CDH13: variants seen among roughly 807,000 people sequenced by gnomAD.
The protein encoded by CDH13 is cadherin 13, also known as cadherin-13.
Under a neutral mutation model 63.8 loss-of-function variants are expected in CDH13, and 24 were observed. That is an observed-to-expected ratio of 0.38 (90% CI 0.27 to 0.53). The LOEUF (loss-of-function observed/expected upper bound fraction) is 0.53. Ranked by LOEUF, CDH13 falls within the 20% of genes least tolerant of loss-of-function variation. The pLI, the probability that CDH13 is intolerant of heterozygous loss-of-function variation, is 0.85. For missense variants in CDH13, 1,049 were observed against 903.1 expected, an observed-to-expected ratio of 1.16 and a Z score of -2.07; for synonymous variants, 503 against 355.3, an observed-to-expected ratio of 1.42 and a Z score of -4.67.
At chr16:83,137,665 T>A (rs889470002) in intron 4 of CDH13, among the ~76,000 whole-genome samples, 1 of 152,088 alleles carries the variant, frequency 6.6e-6, no homozygotes, top group Non-Finnish European at 1.5e-5. Context: ...TTAAGAGATA[T>A]CACTGCCCGT....
At chr16:82,897,963 C>G (rs1188113965) in intron 2 of CDH13, among the ~76,000 whole-genome samples, 1 of 152,232 alleles carries the variant, frequency 6.6e-6, no homozygotes, top group Non-Finnish European at 1.5e-5. Context: ...TGCTTATCAT[C>G]TGCACCGTCC....
At chr16:83,033,360 C>A (rs1333269954) in intron 3 of CDH13, among the ~76,000 whole-genome samples, 3 of 152,042 alleles carry the variant, frequency 2.0e-5, no homozygotes, top group Non-Finnish European at 4.4e-5. Flanking sequence ...TTTAACAGGT[C>A]ATAGGTATCT....
intron 1 of CDH13, among the ~76,000 whole-genome samples, chr16:82,841,131 C>T (rs1237058420): frequency 6.6e-6 from 1 of 152,190 alleles, no homozygotes; most frequent in Non-Finnish European, 1.5e-5. Flanking sequence ...GTCAACCTTA[C>T]CATCCACGGA....
intron 8 of CDH13, among the ~76,000 whole-genome samples, chr16:83,647,776 C>T (rs570902852): frequency 6.6e-6 from 1 of 152,158 alleles, no homozygotes; most frequent in South Asian, 2.1e-4. Context: ...TGGGTACCAG[C>T]AGTGGTGCTG....
At chr16:83,564,306 G>A (rs2075755241) in intron 7 of CDH13, among the ~76,000 whole-genome samples, 1 of 151,954 alleles carries the variant, frequency 6.6e-6, no homozygotes, top group East Asian at 1.9e-4. Flanking sequence ...TTGGGTAAGT[G>A]AGGTGACAAT....
chr16:82,821,884 G>A (rs2038019025), intron 1 of CDH13, among the ~76,000 whole-genome samples: 1 of 152,208 alleles, frequency 6.6e-6, no homozygotes, highest in Non-Finnish European at 1.5e-5. Context: ...TGGTCCCCTT[G>A]GACCATCTAT....
chr16:83,393,945 A>G (rs1033495138), intron 6 of CDH13, among the ~76,000 whole-genome samples: 5 of 152,234 alleles, frequency 3.3e-5, no homozygotes, highest in African/African-American at 1.2e-4. Flanking sequence ...TGTCCTGTGC[A>G]GGAACATGGA....
chr16:83,678,111 G>T lies in CDH13; in HGVS notation c.1285-97G>T, dbSNP rs1321800599. The T allele has an allele frequency of 1.0e-5, 13 of 1,277,726 alleles. No individual in the cohort carries two copies. The South Asian group carries it at 1.7e-4, about 17-fold the overall frequency. The allele number at this position is 1,277,726 out of a possible 1,614,324, so 79.1% of individuals were successfully genotyped here. A position where few individuals can be genotyped will look rare whatever the true frequency, so the allele number is the denominator to read the frequency against. ...CCAAAGCCCAGCTCCATCCCTGAAG[G>T]CCCACTGTTGCTCGTGGAATTTCAG... On this transcript the variant is annotated intron_variant, in intron 9 of 13. Transcript: ENST00000567109.
chr16:82,813,442 A>G (rs540467290), intron 1 of CDH13, among the ~76,000 whole-genome samples: 3 of 152,118 alleles, frequency 2.0e-5, no homozygotes, highest in Non-Finnish European at 4.4e-5. Flanking sequence ...TTATTGACTG[A>G]TGTAGACTCT....
At chr16:82,898,002 G>C (rs1287054964) in intron 2 of CDH13, among the ~76,000 whole-genome samples, 1 of 152,190 alleles carries the variant, frequency 6.6e-6, no homozygotes, top group Non-Finnish European at 1.5e-5. Context: ...GAGCTATTGA[G>C]CACTTGAAAT....
chr16:83,019,285 T>C (rs1915114284), intron 2 of CDH13, among the ~76,000 whole-genome samples: 1 of 152,154 alleles, frequency 6.6e-6, no homozygotes, highest in African/African-American at 2.4e-5. Flanking sequence ...TGAACTTCTT[T>C]GTTAAAAGCT....
intron 6 of CDH13, among the ~76,000 whole-genome samples, chr16:83,465,102 C>T (rs1192200973): frequency 6.6e-6 from 1 of 152,214 alleles, no homozygotes. Context: ...CCCCCCATCA[C>T]ATTTGGCAAA....
At chr16:83,099,332 A>AT (rs898949501) in intron 3 of CDH13, among the ~76,000 whole-genome samples, 21 of 151,794 alleles carry the variant, frequency 1.4e-4, no homozygotes, top group African/African-American at 3.6e-4. Context: ...CATTTTACAC[A>AT]TTTTTTTTAA....
intron 4 of CDH13, among the ~76,000 whole-genome samples, chr16:83,144,699 A>AT (rs1195260189): frequency 6.6e-6 from 1 of 152,212 alleles, no homozygotes; most frequent in Non-Finnish European, 1.5e-5. Flanking sequence ...TCAGGGCTAA[A>AT]TTTTTCCGAA....
At chr16:82,643,050 G>A (rs1020147784) in intron 1 of CDH13, among the ~76,000 whole-genome samples, 1 of 152,196 alleles carries the variant, frequency 6.6e-6, no homozygotes, top group Non-Finnish European at 1.5e-5. Context: ...AGGGCTGGGG[G>A]CAGGAGGAAA....
chr16:82,858,475 T>G lies in CDH13; in HGVS notation c.157+2T>G. 3.9e-6 allele frequency: 6 copies of G among 1,547,260 alleles called. No individual in the cohort carries two copies. The highest frequency in any genetic ancestry group is 5.4e-6 in the Non-Finnish European group (6 of 1,119,222). ...TTGAGGACCAGTCAATTCTAAACTG[T>G]AAGCAATGTCACTCAAAGATGCTTT... On this transcript the variant is annotated splice_donor_variant, in intron 2 of 13. Transcript: ENST00000567109. LOFTEE classifies it high-confidence loss of function.
intron 6 of CDH13, among the ~76,000 whole-genome samples, chr16:83,356,727 A>G (rs545302923): frequency 3.9e-5 from 6 of 152,170 alleles, no homozygotes; most frequent in Non-Finnish European, 8.8e-5. Flanking sequence ...GCTAAGTTCA[A>G]TGGGAAGAGG....
At chr16:83,569,058 G>C (rs1169385786) in intron 7 of CDH13, among the ~76,000 whole-genome samples, 1 of 151,982 alleles carries the variant, frequency 6.6e-6, no homozygotes, top group Non-Finnish European at 1.5e-5. Flanking sequence ...ACCACTGTCT[G>C]GCCTCCTCTC....
intron 10 of CDH13, among the ~76,000 whole-genome samples, chr16:83,684,943 G>T (rs2096805108): frequency 6.6e-6 from 1 of 152,006 alleles, no homozygotes; most frequent in Non-Finnish European, 1.5e-5. Flanking sequence ...GACAGTGGCA[G>T]CCCCACACGG....
Sources: gnomAD v4.1 joint callset for allele counts (sites outside exome capture counted in the v4.1 genomes callset) on GRCh38, gnomAD v4.1.1 for gene constraint, MANE v1.5 for transcripts, NCBI Gene and HGNC (gene_info 2026-07-23, HGNC 2026-07-21) for gene names.